Variants in CSNK2A2IP observed in about 807,000 individuals in gnomAD.
CSNK2A2IP encodes casein kinase 2 subunit alpha' interacting protein.
the CSNK2A2IP span, among the ~76,000 whole-genome samples, chr3:88,430,774 T>A: frequency 1.3e-5 from 2 of 151,646 alleles, no homozygotes; most frequent in Non-Finnish European, 2.9e-5. Flanking sequence ...AAAAACAACA[T>A]GGAAAAAAAA....
the CSNK2A2IP span, among the ~76,000 whole-genome samples, chr3:88,387,646 C>T: frequency 7.1e-3 from 1,082 of 152,132 alleles, 14 homozygotes; most frequent in African/African-American, 0.025. Context: ...CCTTTTCTTC[C>T]ACCTGGAACT....
At chr3:88,449,844 CACACACACACAT>C in the CSNK2A2IP span, among the ~76,000 whole-genome samples, 2 of 87,092 alleles carry the variant, frequency 2.3e-5, no homozygotes, top group African/African-American at 7.3e-5. Flanking sequence ...CACACACACA[CACACACACACAT>C]ATATATATAT....
At chr3:88,342,904 G>T in the CSNK2A2IP span, among the ~76,000 whole-genome samples, 1 of 152,000 alleles carries the variant, frequency 6.6e-6, no homozygotes, top group Admixed American at 6.6e-5. Flanking sequence ...CCACCAAGGG[G>T]CTATGAGCAC....
chr3:88,401,399 G>A, the CSNK2A2IP span, among the ~76,000 whole-genome samples: 50 of 152,016 alleles, frequency 3.3e-4, no homozygotes, highest in Non-Finnish European at 1.0e-4. Context: ...TGAAACAGAA[G>A]CCTGTTAGTT....
chr3:88,389,675 C>CGAGAA, the CSNK2A2IP span, among the ~76,000 whole-genome samples: 2 of 152,080 alleles, frequency 1.3e-5, no homozygotes, highest in Admixed American at 6.6e-5. Context: ...TGGAGCTTCT[C>CGAGAA]GTGGCTTGCA....
the CSNK2A2IP span, among the ~76,000 whole-genome samples, chr3:88,459,519 G>T: frequency 2.6e-5 from 4 of 152,024 alleles, no homozygotes; most frequent in Non-Finnish European, 4.4e-5. Flanking sequence ...CCTTTTCAAA[G>T]GTTATGTCTC....
the CSNK2A2IP span, among the ~76,000 whole-genome samples, chr3:88,400,025 TATA>T: frequency 2.0e-5 from 3 of 152,174 alleles, no homozygotes; most frequent in Non-Finnish European, 4.4e-5. Context: ...AAATGAAGCA[TATA>T]ATGAGTATGA....
chr3:88,400,342 A>T, the CSNK2A2IP span, among the ~76,000 whole-genome samples: 3 of 152,070 alleles, frequency 2.0e-5, no homozygotes, highest in African/African-American at 7.2e-5. Flanking sequence ...CCACTACATA[A>T]TCTAATGCTG....
the CSNK2A2IP span, chr3:88,343,250 T>TA: frequency 6.6e-6 from 1 of 152,334 alleles, no homozygotes; most frequent in Non-Finnish European, 1.5e-5. Context: ...CAACAGAACT[T>TA]AATTTTTCAT....
the CSNK2A2IP span, among the ~76,000 whole-genome samples, chr3:88,464,612 G>A: frequency 2.0e-5 from 3 of 152,026 alleles, no homozygotes; most frequent in African/African-American, 2.4e-5. Flanking sequence ...AAAAATATGC[G>A]ATAGACTTTT....
At chr3:88,446,095 T>TTTC in the CSNK2A2IP span, among the ~76,000 whole-genome samples, 1 of 128,814 alleles carries the variant, frequency 7.8e-6, no homozygotes, top group Non-Finnish European at 1.7e-5. Context: ...TCTTTCTTTC[T>TTTC]TTCTTTTTTT....
chr3:88,358,741 A>T, the CSNK2A2IP span, among the ~76,000 whole-genome samples: 1 of 152,052 alleles, frequency 6.6e-6, no homozygotes. Context: ...ACTTGCTAGG[A>T]TTTTGTTGAA....
the CSNK2A2IP span, chr3:88,466,848 T>C: frequency 7.6e-6 from 8 of 1,056,336 alleles, no homozygotes; most frequent in Non-Finnish European, 9.7e-6. Flanking sequence ...AAAATCCTCA[T>C]TGTGCAACAC....
the CSNK2A2IP span, among the ~76,000 whole-genome samples, chr3:88,340,265 T>C: frequency 6.6e-6 from 1 of 151,890 alleles, no homozygotes; most frequent in Non-Finnish European, 1.5e-5. Context: ...ATGATTAAAT[T>C]GGTTAAGACA....
At chr3:88,341,011 A>G in the CSNK2A2IP span, among the ~76,000 whole-genome samples, 3 of 152,006 alleles carry the variant, frequency 2.0e-5, no homozygotes, top group Non-Finnish European at 4.4e-5. Flanking sequence ...ACTAAAACAT[A>G]TGCATCCAAA....
the CSNK2A2IP span, among the ~76,000 whole-genome samples, chr3:88,363,471 C>T: frequency 1.3e-5 from 2 of 152,070 alleles, no homozygotes; most frequent in African/African-American, 4.8e-5. Context: ...TTATTACTTT[C>T]TGCTACTTCT....
At chr3:88,415,745 C>A in the CSNK2A2IP span, among the ~76,000 whole-genome samples, 2 of 151,944 alleles carry the variant, frequency 1.3e-5, no homozygotes, top group South Asian at 4.1e-4. Flanking sequence ...ACTTCAAGAA[C>A]CACAGTGGTG....
At chr3:88,424,498 A>G in the CSNK2A2IP span, among the ~76,000 whole-genome samples, 36 of 152,336 alleles carry the variant, frequency 2.4e-4, no homozygotes, top group Admixed American at 2.0e-3. Context: ...AGTTCTAAAA[A>G]TTTATAATTT....
the CSNK2A2IP span, among the ~76,000 whole-genome samples, chr3:88,411,263 A>G: frequency 1.3e-5 from 2 of 151,894 alleles, no homozygotes; most frequent in East Asian, 3.9e-4. Flanking sequence ...AATGGAGGCC[A>G]TCTTGTTTCT....
Sources: allele counts gnomAD v4.1 joint callset (sites outside exome capture counted in the v4.1 genomes callset), GRCh38; gene constraint gnomAD v4.1.1; transcripts MANE v1.5; gene names NCBI Gene and HGNC (gene_info 2026-07-23, HGNC 2026-07-21).